RNF144A: variants seen among roughly 807,000 people sequenced by gnomAD.
RNF144A encodes the protein ring finger protein 144A.
A neutral mutation model predicts 38.7 loss-of-function variants in RNF144A; 11 were observed. That is an observed-to-expected ratio of 0.28 (90% CI 0.18 to 0.47). RNF144A has a LOEUF of 0.47. Ranked by LOEUF, RNF144A falls within the 20% of genes least tolerant of loss-of-function variation. The pLI, the probability that RNF144A is intolerant of heterozygous loss-of-function variation, is 0.99. For synonymous variants in RNF144A, 149 were observed against 143.9 expected (o/e 1.04, Z -0.25); for missense variants, 316 against 377.2 (o/e 0.84, Z 1.34).
chr2:7,038,304 G>T (rs898381811), intron 8 of RNF144A, among the ~76,000 whole-genome samples: 1 of 152,144 alleles, frequency 6.6e-6, no homozygotes, highest in African/African-American at 2.4e-5. Flanking sequence ...ACCTGCCATT[G>T]GAAACCCTCC....
chr2:6,933,038 C>T (rs768636609), intron 1 of RNF144A: 1 of 152,362 alleles, frequency 6.6e-6, no homozygotes, highest in Non-Finnish European at 1.5e-5. Context: ...AAACAAACCA[C>T]GCATGTGAAA....
rs996475510 is a variant in RNF144A, at chr2:7,001,014, A to G, written c.135+3953A>G. 2.6e-5 allele frequency among the ~76,000 whole-genome samples: 4 copies of G among 152,218 alleles called. No homozygotes were observed. In the East Asian group the frequency reaches 5.8e-4, roughly 22 times the overall value. On this transcript the variant is annotated intron_variant, in intron 3 of 8. Transcript: ENST00000320892. ...GAAAGTTGTAACTTAAAAATGTAAC[A>G]TTTGGCCAGGCACAGTGGCTCATGT...
Position 7,041,148 on chromosome 2 carries a change from A to G in RNF144A, c.*1388A>G. On this transcript the variant is annotated 3_prime_UTR_variant, in exon 9 of 9. Transcript: ENST00000320892. ...CAGGCAAATATTGTAGCTATATTAC[A>G]GTGGGATTTTAAAAATCTTGTTAAA... The G allele has an allele frequency of 2.0e-6, 2 of 980,876 alleles. No individual in the cohort carries two copies. The highest frequency in any genetic ancestry group is 2.4e-6 in the Non-Finnish European group (2 of 825,790). The allele number at this position is 980,876 out of a possible 1,614,324, so 60.8% of individuals were successfully genotyped here. A position where few individuals can be genotyped will look rare whatever the true frequency, so the allele number is the denominator to read the frequency against.
chr2:6,947,293 A>G (rs1420460152), intron 2 of RNF144A, among the ~76,000 whole-genome samples: 2 of 152,094 alleles, frequency 1.3e-5, no homozygotes, highest in Non-Finnish European at 2.9e-5. Flanking sequence ...TATAATCATT[A>G]CAATTGCAGT....
downstream of RNF144A, among the ~76,000 whole-genome samples, chr2:7,048,248 A>C (rs1032043088): frequency 6.6e-6 from 1 of 152,196 alleles, no homozygotes; most frequent in Non-Finnish European, 1.5e-5. Flanking sequence ...CCTTCAGATA[A>C]TCGCATACAC....
At position 6,997,073 on chromosome 2, in the gene RNF144A, T is replaced by C; in HGVS notation, c.135+12T>C. ...TCTTCTGTACTCTGGTTGGTCTTTT[T>C]GGATAAAATATATGTTACAGTGATT... On this transcript the variant is annotated intron_variant, in intron 3 of 8. Coordinates refer to ENST00000320892, the MANE Select transcript of RNF144A (RefSeq NM_014746.6). 6.2e-7 allele frequency: 1 copy of C among 1,613,746 alleles called. No homozygotes were observed. The highest frequency in any genetic ancestry group is 8.5e-7 in the Non-Finnish European group (1 of 1,179,628).
chr2:6,964,800 TCA>T (rs1183933277), intron 2 of RNF144A, among the ~76,000 whole-genome samples: 1 of 149,424 alleles, frequency 6.7e-6, no homozygotes, highest in Non-Finnish European at 1.5e-5. Context: ...AAGGGGAACA[TCA>T]CACTCTGGGG....
intron 2 of RNF144A, among the ~76,000 whole-genome samples, chr2:6,955,017 C>G (rs3772020): frequency 0.086 from 13,085 of 152,128 alleles, 623 homozygotes; most frequent in African/African-American, 0.11. Context: ...TTCTGTGTGA[C>G]TTGAAATTTG....
chr2:7,039,866 C>T lies in RNF144A; in HGVS notation c.*106C>T. ...TAAACATCTTTCTTGCCTTATGTGC[C>T]CCATTGAGCTTCACAGTGTCAGGCT... On this transcript the variant is annotated 3_prime_UTR_variant, in exon 9 of 9. Coordinates refer to ENST00000320892, the MANE Select transcript of RNF144A (RefSeq NM_014746.6). 6.7e-7 allele frequency: 1 copy of T among 1,499,190 alleles called. No individual in the cohort carries two copies. The highest frequency in any genetic ancestry group is 2.5e-4 in the Middle Eastern group (1 of 4,044). 92.9% of individuals were successfully genotyped at this position (1,499,190 alleles called of 1,614,324 possible). A position where few individuals can be genotyped will look rare whatever the true frequency, so the allele number is the denominator to read the frequency against.
downstream of RNF144A, among the ~76,000 whole-genome samples, chr2:7,048,353 A>G (rs1266159569): frequency 6.6e-6 from 1 of 152,230 alleles, no homozygotes; most frequent in Non-Finnish European, 1.5e-5. Flanking sequence ...TCACAGGAGA[A>G]ACTAATTATC....
intron 1 of RNF144A, among the ~76,000 whole-genome samples, chr2:6,930,379 A>G (rs6750282): frequency 0.33 from 50,244 of 151,862 alleles, 8,628 homozygotes; most frequent in South Asian, 0.41. Flanking sequence ...TTTTTCAATT[A>G]TGGTTATATT....
At chr2:7,030,760 G>A (rs1014021346) in intron 8 of RNF144A, among the ~76,000 whole-genome samples, 2 of 152,006 alleles carry the variant, frequency 1.3e-5, no homozygotes, top group African/African-American at 4.8e-5. Context: ...TGCATTTATT[G>A]TGCACTTTAT....
chr2:6,947,585 T>A (rs1666419292), intron 2 of RNF144A, among the ~76,000 whole-genome samples: 2 of 152,244 alleles, frequency 1.3e-5, no homozygotes, highest in East Asian at 3.8e-4. Flanking sequence ...CATTGACTTA[T>A]TTTTTAAAAG....
chr2:7,022,250 T>G (rs778070609), intron 6 of RNF144A, among the ~76,000 whole-genome samples: 2 of 151,906 alleles, frequency 1.3e-5, no homozygotes, highest in Non-Finnish European at 2.9e-5. Flanking sequence ...TGTTGTTGTT[T>G]TTGGTTAAAT....
intron 2 of RNF144A, among the ~76,000 whole-genome samples, chr2:6,942,821 T>TA (rs1476649866): frequency 2.0e-5 from 3 of 152,148 alleles, no homozygotes; most frequent in Admixed American, 1.3e-4. Context: ...CCATCTCTAC[T>TA]AAAAATATAA....
At chr2:7,068,335 G>A (rs1674318506), downstream of RNF144A, 5 of 958,760 alleles carry the variant, frequency 5.2e-6, no homozygotes, top group Non-Finnish European at 7.4e-6. Flanking sequence ...ATTCATTTGG[G>A]TAGTGGCACC....
chr2:7,044,181 C>G, downstream of RNF144A: 3 of 985,492 alleles, frequency 3.0e-6, no homozygotes, highest in Non-Finnish European at 3.6e-6. Context: ...TTTTGTAAAC[C>G]CCGCGTGGCT....
At chr2:7,066,564 G>T (rs749497777) in intron 6 of RNF144A, among the ~76,000 whole-genome samples, 1 of 152,190 alleles carries the variant, frequency 6.6e-6, no homozygotes, top group Non-Finnish European at 1.5e-5. Flanking sequence ...TGTGCAGTAA[G>T]AATATGTTTT....
chr2:6,997,063 T>C lies in RNF144A; in HGVS notation c.135+2T>C. On this transcript the variant is annotated splice_donor_variant, in intron 3 of 8. Transcript: ENST00000320892. LOFTEE classifies it high-confidence loss of function. ...TGCCAATGCATCTTCTGTACTCTGG[T>C]TGGTCTTTTTGGATAAAATATATGT... The C allele has an allele frequency of 1.2e-6, 2 of 1,613,850 alleles. No homozygotes were observed. Among genetic ancestry groups the C allele is most frequent in the Non-Finnish European group, 1.7e-6 (2 of 1,179,810 alleles).
Sources: allele counts gnomAD v4.1 joint callset (sites outside exome capture counted in the v4.1 genomes callset), GRCh38; gene constraint gnomAD v4.1.1; transcripts MANE v1.5; gene names NCBI Gene and HGNC (gene_info 2026-07-23, HGNC 2026-07-21).